DYNC1I1: variants seen among roughly 807,000 people sequenced by gnomAD.
DYNC1I1 encodes dynein cytoplasmic 1 intermediate chain 1.
In DYNC1I1, 43 loss-of-function variants were observed where a neutral mutation model predicts 86.6. The observed-to-expected ratio is 0.50, with a 90% CI of 0.39 to 0.64. DYNC1I1 has a LOEUF of 0.64. Ranked by LOEUF, DYNC1I1 falls within the 30% of genes least tolerant of loss-of-function variation. The pLI, the probability that DYNC1I1 is intolerant of heterozygous loss-of-function variation, is 0.00. For synonymous variants in DYNC1I1, 262 were observed against 283.7 expected, an observed-to-expected ratio of 0.92 and a Z score of 0.77; for missense variants, 604 against 788.8, an observed-to-expected ratio of 0.77 and a Z score of 2.81.
chr7:95,829,748 C>T (rs926848834), intron 5 of DYNC1I1, among the ~76,000 whole-genome samples: 2 of 152,122 alleles, frequency 1.3e-5, no homozygotes, highest in African/African-American at 2.4e-5. Flanking sequence ...TGTGGACCCA[C>T]CTTACCTGCT....
At chr7:96,067,239 A>G (rs974374287) in intron 14 of DYNC1I1, among the ~76,000 whole-genome samples, 4 of 152,300 alleles carry the variant, frequency 2.6e-5, no homozygotes, top group East Asian at 1.9e-4. Context: ...CACTTACCAG[A>G]TAACAGAGTG....
downstream of DYNC1I1, among the ~76,000 whole-genome samples, chr7:96,100,650 T>TTTTGTGTGTGTGTGTGTG (rs376786905): frequency 1.4e-5 from 2 of 142,848 alleles, no homozygotes; most frequent in Non-Finnish European, 3.0e-5. Context: ...TTTGAGGGTT[T>TTTTGTGTGTGTGTGTGTG]TGTGTGTGTG....
At chr7:95,822,855 A>G (rs772200893) in intron 4 of DYNC1I1, among the ~76,000 whole-genome samples, 47 of 152,240 alleles carry the variant, frequency 3.1e-4, no homozygotes, top group Non-Finnish European at 5.7e-4. Flanking sequence ...GTATCAAACA[A>G]CAAAGGCTAG....
At chr7:95,797,413 G>A in intron 1 of DYNC1I1, among the ~76,000 whole-genome samples, 1 of 152,132 alleles carries the variant, frequency 6.6e-6, no homozygotes, top group Non-Finnish European at 1.5e-5. Flanking sequence ...GCCATCCTGA[G>A]CTTGACAGTT....
At chr7:96,026,192 C>T (rs1367220960) in intron 10 of DYNC1I1, among the ~76,000 whole-genome samples, 1 of 152,116 alleles carries the variant, frequency 6.6e-6, no homozygotes, top group South Asian at 2.1e-4. Context: ...TGAGCATGTT[C>T]TCCATTGAAT....
chr7:96,029,540 A>T (rs1200374116), intron 11 of DYNC1I1, among the ~76,000 whole-genome samples: 1 of 152,162 alleles, frequency 6.6e-6, no homozygotes, highest in Non-Finnish European at 1.5e-5. Context: ...AAAAATTAAC[A>T]TTTCTTTTGT....
chr7:96,003,530 A>C (rs1365854395), intron 10 of DYNC1I1, among the ~76,000 whole-genome samples: 1 of 152,184 alleles, frequency 6.6e-6, no homozygotes, highest in Non-Finnish European at 1.5e-5. Flanking sequence ...CATTCTCTGG[A>C]CTATCAGATT....
At chr7:95,946,723 G>A (rs1344051699) in intron 6 of DYNC1I1, among the ~76,000 whole-genome samples, 1 of 152,196 alleles carries the variant, frequency 6.6e-6, no homozygotes, top group African/African-American at 2.4e-5. Flanking sequence ...CCTGAGCCAA[G>A]TCCTATCTTA....
intron 6 of DYNC1I1, among the ~76,000 whole-genome samples, chr7:95,878,980 A>G (rs1043875212): frequency 3.3e-5 from 5 of 151,660 alleles, no homozygotes; most frequent in African/African-American, 1.2e-4. Flanking sequence ...ATCAATCAAG[A>G]ATCACTACCC....
intron 14 of DYNC1I1, among the ~76,000 whole-genome samples, chr7:96,068,525 G>A (rs575706172): frequency 5.1e-4 from 78 of 152,232 alleles, no homozygotes; most frequent in African/African-American, 1.7e-3. Context: ...AGAATTAAAC[G>A]TTTAGATAAT....
intron 14 of DYNC1I1, among the ~76,000 whole-genome samples, chr7:96,074,550 C>CAAAA (rs61571160): frequency 1.2e-4 from 8 of 66,922 alleles, no homozygotes; most frequent in African/African-American, 2.6e-4. Context: ...GACTCCGTCT[C>CAAAA]AAAAAAAAAA....
At chr7:95,974,090 G>T (rs1468147521) in intron 6 of DYNC1I1, among the ~76,000 whole-genome samples, 1 of 152,172 alleles carries the variant, frequency 6.6e-6, no homozygotes, top group East Asian at 1.9e-4. Flanking sequence ...CCTCATTGTG[G>T]CCTTGGTGGA....
intron 1 of DYNC1I1, 145 bp from the exon 2 acceptor site, chr7:95,804,576 T>A: frequency 9.8e-7 from 1 of 1,024,270 alleles, no homozygotes; most frequent in South Asian, 1.9e-5. Context: ...TCTTTGATTC[T>A]TTCACATAGG....
At chr7:95,817,976 C>T (rs1794984407) in intron 4 of DYNC1I1, among the ~76,000 whole-genome samples, 1 of 152,160 alleles carries the variant, frequency 6.6e-6, no homozygotes, top group Non-Finnish European at 1.5e-5. Context: ...TCATAAAGTT[C>T]AGCTGGACAC....
At chr7:95,897,633 A>G (rs115077975) in intron 6 of DYNC1I1, among the ~76,000 whole-genome samples, 1,582 of 152,138 alleles carry the variant, frequency 0.01, 17 homozygotes, top group African/African-American at 0.036. Context: ...TCAGCCATGT[A>G]TGGTTGCGAC....
intron 6 of DYNC1I1, among the ~76,000 whole-genome samples, chr7:95,928,520 G>A (rs940810268): frequency 2.0e-5 from 3 of 152,046 alleles, no homozygotes; most frequent in African/African-American, 4.8e-5. Context: ...TTCTCTGCAC[G>A]GGCTCCCACT....
intron 16 of DYNC1I1, among the ~76,000 whole-genome samples, chr7:96,081,800 G>T (rs898552770): frequency 6.6e-6 from 1 of 152,144 alleles, no homozygotes; most frequent in Admixed American, 6.6e-5. Context: ...CTGCTATATG[G>T]TATAGTTGAT....
intron 6 of DYNC1I1, among the ~76,000 whole-genome samples, chr7:95,921,578 T>TG (rs1240934445): frequency 6.6e-6 from 1 of 152,174 alleles, no homozygotes; most frequent in African/African-American, 2.4e-5. Context: ...TGTGTGATCT[T>TG]GGGGTCTTTG....
intron 5 of DYNC1I1, among the ~76,000 whole-genome samples, chr7:95,867,742 T>C (rs937111314): frequency 3.2e-4 from 49 of 152,302 alleles, no homozygotes; most frequent in African/African-American, 1.1e-3. Context: ...GGGTGATCTC[T>C]CTGTGCTCAG....
Sources: allele counts gnomAD v4.1 joint callset (sites outside exome capture counted in the v4.1 genomes callset), GRCh38; gene constraint gnomAD v4.1.1; transcripts MANE v1.5; gene names NCBI Gene and HGNC (gene_info 2026-07-23, HGNC 2026-07-21).